Variants in PDE4A observed in about 807,000 individuals in gnomAD.
PDE4A encodes the protein phosphodiesterase 4A, also known as 3',5'-cyclic-AMP phosphodiesterase 4A.
Under a neutral mutation model 73.9 loss-of-function variants are expected in PDE4A, and 21 were observed. The ratio of observed to expected loss-of-function variants is 0.28; its 90% CI spans 0.20 to 0.41. The LOEUF (loss-of-function observed/expected upper bound fraction) is 0.41, where lower values mean the gene tolerates loss of function less well. PDE4A is among the 10% of genes least tolerant of loss of function. The probability of loss-of-function intolerance (pLI) is 1.00; values close to 1 mark genes in which losing one functional copy is unlikely to be tolerated. For synonymous variants in PDE4A, 463 were observed against 505.4 expected (o/e 0.92, Z 1.13); for missense variants, 958 against 1,211.4 (o/e 0.79, Z 3.10).
chr19:10,453,155 C>G lies in PDE4A; in HGVS notation c.784-1674C>G, dbSNP rs909130005. ...CGGCCCAGGCCCCTCCGCGGCTCCC[C>G]CTTCCACTACCCACCTGCCCGGCAC... On this transcript the variant is annotated intron_variant, in intron 6 of 14. Coordinates refer to ENST00000380702, the MANE Select transcript of PDE4A (RefSeq NM_001111307.2). This position sits in a 1 kb window ranked among gnomAD's most constrained non-coding sequence, Gnocchi z 4.6. The G allele has an allele frequency of 3.5e-6, 5 of 1,446,392 alleles. No individual in the cohort carries two copies. Among genetic ancestry groups the G allele is most frequent in the African/African-American group, 2.9e-5 (2 of 69,356 alleles). The allele number at this position is 1,446,392 out of a possible 1,614,324, so 89.6% of individuals were successfully genotyped here. A position where few individuals can be genotyped will look rare whatever the true frequency, so the allele number is the denominator to read the frequency against.
chr19:10,464,630 C>A (rs138807120), intron 14 of PDE4A, among the ~76,000 whole-genome samples: 292 of 152,160 alleles, frequency 1.9e-3, no homozygotes, highest in African/African-American at 6.6e-3. Flanking sequence ...TGTTGCCAGA[C>A]TTGTCTTGAA....
chr19:10,447,977 C>G (rs1481781905), intron 2 of PDE4A, among the ~76,000 whole-genome samples: 1 of 152,136 alleles, frequency 6.6e-6, no homozygotes, highest in African/African-American at 2.4e-5. Flanking sequence ...CACCTCGGGT[C>G]AGGCTTGGAA....
chr19:10,441,256 G>A (rs1483573188), intron 1 of PDE4A, among the ~76,000 whole-genome samples: 1 of 152,076 alleles, frequency 6.6e-6, no homozygotes, highest in East Asian at 1.9e-4. Flanking sequence ...TTGTTTTTGA[G>A]TAGCTGGGAC....
chr19:10,427,951 T>C lies in PDE4A; in HGVS notation c.320+6867T>C, dbSNP rs953330769. The C allele has an allele frequency of 2.8e-5, 15 of 540,214 alleles. No homozygotes were observed. The South Asian group carries it at 8.8e-4, about 32-fold the overall frequency. The allele number at this position is 540,214 out of a possible 1,614,324, so 33.5% of individuals were successfully genotyped here. A position where few individuals can be genotyped will look rare whatever the true frequency, so the allele number is the denominator to read the frequency against. ...TGGAGGTTGCAGTGAGCCAATATCA[T>C]GTCACTTGCACTGCAGTCTGGGTGA... is the stretch of plus-strand genomic sequence containing the variant. On this transcript the variant is annotated intron_variant, in intron 1 of 14. Transcript: ENST00000380702.
chr19:10,437,515 T>C (rs924510647), intron 1 of PDE4A, among the ~76,000 whole-genome samples: 1 of 150,922 alleles, frequency 6.6e-6, no homozygotes, highest in African/African-American at 2.4e-5. Flanking sequence ...CAAATCCTGG[T>C]CTCAAGCAAT....
upstream of PDE4A, chr19:10,416,826 G>T: frequency 1.3e-6 from 2 of 1,529,112 alleles, no homozygotes; most frequent in South Asian, 2.4e-5. Flanking sequence ...TTCTAGGCCC[G>T]ACCGGCAGGG....
At chr19:10,430,739 G>A (rs1014295244) in intron 1 of PDE4A, 11 of 273,028 alleles carry the variant, frequency 4.0e-5, no homozygotes, top group African/African-American at 2.5e-4. Flanking sequence ...GCGACAGGGC[G>A]GGGTGGGGCC....
chr19:10,428,930 CA>C, intron 1 of PDE4A: 7 of 962,336 alleles, frequency 7.3e-6, no homozygotes, highest in Non-Finnish European at 8.7e-6. Flanking sequence ...GGTGAAACCC[CA>C]TTTCTACTAA....
At chr19:10,449,051 C>T (rs1201059019) in intron 3 of PDE4A, 29 bp from the exon 4 acceptor site, 1 of 1,612,416 alleles carries the variant, frequency 6.2e-7, no homozygotes. Context: ...TAGGGGAACC[C>T]CACTCCTCAC....
intron 1 of PDE4A, chr19:10,432,310 T>G: frequency 8.3e-7 from 1 of 1,210,054 alleles, no homozygotes; most frequent in Non-Finnish European, 1.0e-6. Context: ...CCTGGGGGGG[T>G]CACCAGAGGC....
In PDE4A at chr19:10,467,307, G is replaced by A. The variant is rs752327229; in HGVS notation, c.2347G>A (p.Ala783Thr). The change falls in exon 15 of 15, where the codon GCA becomes ACA. Residue 783 changes from alanine to threonine, a missense_variant. Transcript: ENST00000380702. Reference sequence around the variant, plus strand: ...GGAGGCAGTGTATTTGACACAGCAGGCACAGTCCACAGGCAGTGCACCTGT... The same window carrying A: ...GGAGGCAGTGTATTTGACACAGCAGACACAGTCCACAGGCAGTGCACCTGT... Reference protein sequence around the residue: ...ELEAVYLTQQAQSTGSAPVAP... With the variant: ...ELEAVYLTQQTQSTGSAPVAP... 5 of 1,614,202 alleles carry A rather than the reference G, an allele frequency of 3.1e-6. No homozygotes were observed. The highest frequency in any genetic ancestry group is 4.2e-6 in the Non-Finnish European group (5 of 1,180,036).
At chr19:10,420,327 G>T (rs1270759970), upstream of PDE4A, 3 of 959,530 alleles carry the variant, frequency 3.1e-6, no homozygotes, top group Non-Finnish European at 3.7e-6. The surrounding 1 kb of genome is among the most constrained non-coding windows in gnomAD (Gnocchi z 6.0). Context: ...AGACAGACGA[G>T]TTCCAGCGCC....
intron 1 of PDE4A, among the ~76,000 whole-genome samples, chr19:10,435,696 T>C (rs983965794): frequency 1.3e-5 from 2 of 152,170 alleles, no homozygotes; most frequent in African/African-American, 4.8e-5. Context: ...GATGTAAGGC[T>C]GGCAGCTACC....
intron 4 of PDE4A, 50 bp downstream of exon 4, chr19:10,449,200 G>T: frequency 1.3e-6 from 2 of 1,585,270 alleles, no homozygotes; most frequent in African/African-American, 1.3e-5. Context: ...TGAAGCATAT[G>T]CGGGTTCTGC....
intron 13 of PDE4A, among the ~76,000 whole-genome samples, chr19:10,462,716 C>G (rs931568522): frequency 2.3e-4 from 35 of 152,260 alleles, no homozygotes; most frequent in South Asian, 4.1e-4. Flanking sequence ...CCAATTCCTC[C>G]TTTCTTCTCA....
At position 10,458,170 on chromosome 19, in the gene PDE4A, C is replaced by A; in HGVS notation, c.1101+68C>A. On this transcript the variant is annotated intron_variant, in intron 8 of 14. Coordinates refer to ENST00000380702, the MANE Select transcript of PDE4A (RefSeq NM_001111307.2). This position sits in a 1 kb window ranked among gnomAD's most constrained non-coding sequence, Gnocchi z 4.6. ...TCCTGGGACCCTGAGAAGGACTGGGCATTGGGTTATGTCTTAGGCCAGGTT... is the reference window on the plus strand; with the variant it reads ...TCCTGGGACCCTGAGAAGGACTGGGAATTGGGTTATGTCTTAGGCCAGGTT... 1 of 1,469,472 alleles carries A rather than the reference C, an allele frequency of 6.8e-7. No homozygotes were observed. The highest frequency in any genetic ancestry group is 9.5e-7 in the Non-Finnish European group (1 of 1,056,792). The allele number at this position is 1,469,472 out of a possible 1,614,324, so 91.0% of individuals were successfully genotyped here.
At chr19:10,451,925 A>G (rs1295363264) in intron 6 of PDE4A, among the ~76,000 whole-genome samples, 2 of 152,042 alleles carry the variant, frequency 1.3e-5, no homozygotes, top group Admixed American at 6.6e-5. Context: ...GTATAGGAAC[A>G]TAGCAGTCTG....
intron 14 of PDE4A, 60 bp from the exon 15 acceptor site, chr19:10,466,827 A>T: frequency 6.4e-7 from 1 of 1,561,406 alleles, no homozygotes; most frequent in Non-Finnish European, 8.6e-7. Context: ...TAGCTCCCAT[A>T]ATGTGGTGGT....
chr19:10,420,383 C>T, upstream of PDE4A: 2 of 977,724 alleles, frequency 2.0e-6, no homozygotes, highest in Middle Eastern at 5.3e-4. This position sits in a 1 kb window ranked among gnomAD's most constrained non-coding sequence, Gnocchi z 6.0. Context: ...GAAGGGCCCC[C>T]CTCCTTAGGT....
Sources: allele counts gnomAD v4.1 joint callset (sites outside exome capture counted in the v4.1 genomes callset), GRCh38; gene constraint gnomAD v4.1.1; non-coding constraint Gnocchi (gnomAD v3.1); transcripts MANE v1.5; gene names NCBI Gene and HGNC (gene_info 2026-07-23, HGNC 2026-07-21).